The following PDE1A variants were observed in gnomAD, a reference collection of about 807,000 sequenced individuals.
PDE1A encodes the protein dual specificity calcium/calmodulin-dependent 3',5'-cyclic nucleotide phosphodiesterase 1A.
PDE1A carries 35 observed loss-of-function variants against 61.7 expected under a neutral mutation model. The ratio of observed to expected loss-of-function variants is 0.57; its 90% CI spans 0.43 to 0.75. The LOEUF (loss-of-function observed/expected upper bound fraction) is 0.75, where lower values mean the gene tolerates loss of function less well. Among genes scored for constraint, PDE1A ranks in the 30% least tolerant of loss-of-function variants. PDE1A has a pLI of 0.00. For missense variants in PDE1A, 597 were observed against 630.6 expected, an observed-to-expected ratio of 0.95 and a Z score of 0.57; for synonymous variants, 232 against 213.2, an observed-to-expected ratio of 1.09 and a Z score of -0.77.
intron 7 of PDE1A, among the ~76,000 whole-genome samples, chr2:182,220,232 G>T (rs57801137): frequency 6.6e-6 from 1 of 151,814 alleles, no homozygotes; most frequent in Non-Finnish European, 1.5e-5. Context: ...CAAAGCACAT[G>T]TATAATTCTC....
chr2:182,445,061 T>G (rs1401047499), intron 2 of PDE1A, among the ~76,000 whole-genome samples: 1 of 152,128 alleles, frequency 6.6e-6, no homozygotes, highest in African/African-American at 2.4e-5. Flanking sequence ...TGGAAATGCA[T>G]GATGTGATGG....
chr2:182,532,368 CA>C, the PDE1A span, among the ~76,000 whole-genome samples: 1 of 152,022 alleles, frequency 6.6e-6, no homozygotes, highest in African/African-American at 2.4e-5. Flanking sequence ...TACATTGTGT[CA>C]ATTTAGGAAT....
chr2:182,200,733 A>G (rs1686550570), intron 10 of PDE1A, among the ~76,000 whole-genome samples: 1 of 152,220 alleles, frequency 6.6e-6, no homozygotes, highest in Non-Finnish European at 1.5e-5. Flanking sequence ...GCTGGTCAGA[A>G]GTGCTGGTGT....
intron 1 of PDE1A, among the ~76,000 whole-genome samples, chr2:182,319,109 C>CA (rs1346334712): frequency 1.3e-5 from 2 of 151,772 alleles, no homozygotes; most frequent in African/African-American, 2.4e-5. Context: ...TTGCTTTTGC[C>CA]AAAAAAAGAA....
chr2:182,235,451 G>GT (rs1689936335), intron 3 of PDE1A, among the ~76,000 whole-genome samples: 1 of 152,102 alleles, frequency 6.6e-6, no homozygotes, highest in African/African-American at 2.4e-5. Context: ...CAACAAAACT[G>GT]TTTTTAATAA....
At chr2:182,388,727 A>G (rs1701259059) in intron 1 of PDE1A, among the ~76,000 whole-genome samples, 1 of 152,106 alleles carries the variant, frequency 6.6e-6, no homozygotes, top group African/African-American at 2.4e-5. Flanking sequence ...ATCTCAAACA[A>G]TCTAGCACTG....
chr2:182,240,176 T>C (rs1160196596), exon 3 of PDE1A: 1 of 1,613,968 alleles, frequency 6.2e-7, no homozygotes, highest in Non-Finnish European at 8.5e-7. Flanking sequence ...TTCCTCAGGT[T>C]TCTTTTTTGT....
intron 6 of PDE1A, 24 bp from the exon 7 acceptor site, chr2:182,223,988 A>G (rs769747642): frequency 1.3e-6 from 2 of 1,497,256 alleles, no homozygotes; most frequent in South Asian, 2.3e-5. Flanking sequence ...GAAAGAATCC[A>G]TTATATTCAA....
chr2:182,188,940 A>C, intron 11 of PDE1A, 39 bp downstream of exon 11: 2 of 1,361,170 alleles, frequency 1.5e-6, no homozygotes, highest in Non-Finnish European at 2.1e-6. Context: ...ACTGACAAGC[A>C]CACACTCACT....
chr2:182,379,626 T>C (rs16823150), intron 1 of PDE1A, among the ~76,000 whole-genome samples: 36,858 of 152,198 alleles, frequency 0.24, 5,307 homozygotes, highest in East Asian at 0.43. Context: ...GAACAAAATG[T>C]ATAGTAATAT....
the PDE1A span, among the ~76,000 whole-genome samples, chr2:182,564,883 A>G: frequency 2.6e-4 from 39 of 151,966 alleles, no homozygotes; most frequent in Admixed American, 2.6e-3. Context: ...GTAGTTCTCG[A>G]GCCTTGGCTT....
At chr2:182,153,752 C>T (rs1408301065) in intron 13 of PDE1A, among the ~76,000 whole-genome samples, 2 of 152,074 alleles carry the variant, frequency 1.3e-5, no homozygotes, top group Non-Finnish European at 2.9e-5. Context: ...AGATTTGGCT[C>T]GTAGAGGCAA....
intron 2 of PDE1A, 125 bp from the exon 3 acceptor site, chr2:182,240,417 T>C: frequency 1.8e-6 from 1 of 561,264 alleles, no homozygotes; most frequent in East Asian, 3.1e-5. Flanking sequence ...CCTTAATATG[T>C]ACTCTCTAAA....
intron 8 of PDE1A, 108 bp from the exon 9 acceptor site, chr2:182,201,897 G>A: frequency 1.5e-6 from 1 of 671,008 alleles, no homozygotes; most frequent in Non-Finnish European, 2.6e-6. Flanking sequence ...TAATGGATAT[G>A]AACACAAAAG....
chr2:182,184,948 AT>A (rs1387915126), intron 13 of PDE1A, among the ~76,000 whole-genome samples: 1 of 152,160 alleles, frequency 6.6e-6, no homozygotes, highest in African/African-American at 2.4e-5. Context: ...TGAAAAATGT[AT>A]TGGAATTTTC....
chr2:182,163,473 G>A (rs1691495101), downstream of PDE1A, among the ~76,000 whole-genome samples: 1 of 152,130 alleles, frequency 6.6e-6, no homozygotes, highest in Non-Finnish European at 1.5e-5. Flanking sequence ...ATTGGACCTA[G>A]TGAGCAAGAA....
chr2:182,296,413 T>C (rs1022218901), intron 1 of PDE1A, among the ~76,000 whole-genome samples: 5 of 152,206 alleles, frequency 3.3e-5, no homozygotes, highest in East Asian at 1.9e-4. Flanking sequence ...TATTTGGATG[T>C]CTGAGTATAT....
chr2:182,630,434 C>A, the PDE1A span, among the ~76,000 whole-genome samples: 13 of 152,124 alleles, frequency 8.5e-5, no homozygotes, highest in Non-Finnish European at 1.8e-4. Flanking sequence ...GATCTATTTT[C>A]AGATTCTGGA....
At chr2:182,169,916 A>G (rs867111634) in intron 13 of PDE1A, among the ~76,000 whole-genome samples, 2,114 of 121,066 alleles carry the variant, frequency 0.017, 21 homozygotes, top group African/African-American at 0.037. Context: ...ACACACACAC[A>G]CACACGCACA....
Sources: gnomAD v4.1 joint callset for allele counts (sites outside exome capture counted in the v4.1 genomes callset) on GRCh38, gnomAD v4.1.1 for gene constraint, MANE v1.5 for transcripts, NCBI Gene and HGNC (gene_info 2026-07-23, HGNC 2026-07-21) for gene names.